The following PSMD14 variants were observed in gnomAD, a reference collection of about 807,000 sequenced individuals.
The protein encoded by PSMD14 is ubiquitin C-terminal hydrolase PSMD14.
In PSMD14, 7 loss-of-function variants were observed where a neutral mutation model predicts 41.2. The ratio of observed to expected loss-of-function variants is 0.17; its 90% confidence interval spans 0.10 to 0.32. PSMD14 has a LOEUF of 0.32. PSMD14 is among the 10% of genes least tolerant of loss of function. The pLI, the probability that PSMD14 is intolerant of heterozygous loss-of-function variation, is 1.00. For synonymous variants in PSMD14, 114 were observed against 122.3 expected, an observed-to-expected ratio of 0.93 and a Z score of 0.45; for missense variants, 139 against 375.6, an observed-to-expected ratio of 0.37 and a Z score of 5.21.
chr2:161,322,555 A>G (rs1033609690), intron 3 of PSMD14, among the ~76,000 whole-genome samples: 2 of 151,980 alleles, frequency 1.3e-5, no homozygotes, highest in Admixed American at 6.6e-5. Flanking sequence ...ACGCCCAGCT[A>G]ATTTTTTTAT....
At chr2:161,332,274 G>A (rs557849839) in intron 3 of PSMD14, among the ~76,000 whole-genome samples, 1 of 152,254 alleles carries the variant, frequency 6.6e-6, no homozygotes, top group East Asian at 1.9e-4. Context: ...GTTACAAATA[G>A]TACAACTTTT....
intron 1 of PSMD14, among the ~76,000 whole-genome samples, chr2:161,311,276 T>A (rs962417671): frequency 1.3e-5 from 2 of 151,916 alleles, no homozygotes; most frequent in Admixed American, 1.3e-4. Context: ...GACACTACAC[T>A]CCAGCCTGGG....
chr2:161,315,208 G>C (rs1689133785), intron 1 of PSMD14, among the ~76,000 whole-genome samples: 1 of 152,208 alleles, frequency 6.6e-6, no homozygotes, highest in East Asian at 1.9e-4. Context: ...CTGTTGTCTA[G>C]TGGAGCTAGG....
intron 7 of PSMD14, chr2:161,383,106 C>T (rs569437926): frequency 3.8e-4 from 57 of 151,640 alleles, no homozygotes; most frequent in African/African-American, 1.2e-3. Context: ...TGCTCATTAG[C>T]GCACTGGACA....
At chr2:161,344,560 CA>C (rs1683014097) in intron 3 of PSMD14, among the ~76,000 whole-genome samples, 1 of 152,162 alleles carries the variant, frequency 6.6e-6, no homozygotes, top group South Asian at 2.1e-4. Flanking sequence ...TATTGTTTTT[CA>C]CAGCGAATGA....
At chr2:161,396,426 A>G (rs1296963323) in intron 10 of PSMD14, among the ~76,000 whole-genome samples, 1 of 152,202 alleles carries the variant, frequency 6.6e-6, no homozygotes, top group African/African-American at 2.4e-5. Context: ...ATAGATATAC[A>G]TACAATGGAA....
rs1218082322 is a variant in PSMD14 at position 161,411,417 on chromosome 2, A to G, written c.*17A>G. On this transcript the variant is annotated 3_prime_UTR_variant, in exon 12 of 12. Coordinates refer to ENST00000409682, the MANE Select transcript of PSMD14 (RefSeq NM_005805.6). ...TTTAAATAAAGCAACGAAAAACGCT[A>G]TTAATGATGCCTTCAGTGTATATTC... The G allele has an allele frequency of 1.9e-5, 29 of 1,529,978 alleles. No homozygotes were observed. Among genetic ancestry groups the G allele is most frequent in the Non-Finnish European group, 2.6e-5 (29 of 1,109,984 alleles). The allele number at this position is 1,529,978 out of a possible 1,614,324, so 94.8% of individuals were successfully genotyped here. A position where few individuals can be genotyped will look rare whatever the true frequency, so the allele number is the denominator to read the frequency against.
At chr2:161,360,704 T>A (rs1217266123) in intron 3 of PSMD14, among the ~76,000 whole-genome samples, 1 of 151,988 alleles carries the variant, frequency 6.6e-6, no homozygotes, top group Non-Finnish European at 1.5e-5. Context: ...ACCTAGCTAA[T>A]TTTTTGTATT....
intron 10 of PSMD14, chr2:161,407,963 A>G (rs1409261808): frequency 2.6e-5 from 4 of 152,070 alleles, no homozygotes; most frequent in African/African-American, 9.7e-5. Context: ...GAAATTCTCA[A>G]TAAAGAGGTT....
chr2:161,375,042 T>C (rs1432432343), intron 7 of PSMD14, among the ~76,000 whole-genome samples: 3 of 152,016 alleles, frequency 2.0e-5, no homozygotes, highest in African/African-American at 7.2e-5. Flanking sequence ...GGTTAGGTTT[T>C]CTTGAAGCAT....
At chr2:161,408,214 G>A (rs968842188) in intron 10 of PSMD14, 2 of 151,902 alleles carry the variant, frequency 1.3e-5, no homozygotes, top group Admixed American at 6.6e-5. Context: ...TTTCTTCATG[G>A]TTACTAAAGA....
At chr2:161,369,406 A>C (rs1156395657) in intron 5 of PSMD14, among the ~76,000 whole-genome samples, 1 of 152,060 alleles carries the variant, frequency 6.6e-6, no homozygotes, top group Non-Finnish European at 1.5e-5. Context: ...AAAGAAAAAA[A>C]CCGAAAACAT....
At position 161,326,184 on chromosome 2, in the gene PSMD14, C is replaced by T. The variant is rs543616866; in HGVS notation, c.48+7311C>T. Among the ~76,000 whole-genome samples, 67 of 152,236 alleles carry T rather than the reference C, an allele frequency of 4.4e-4. 1 individual carries two copies. The South Asian group carries it at 8.9e-3, about 20-fold the overall frequency. On this transcript the variant is annotated intron_variant, in intron 3 of 11. Transcript: ENST00000409682. Reference sequence around the variant, plus strand: ...TCCTGAGTATCACAGGTGCCCACCACCACGCCCGGCTAATTTTTGTAGTTT... The same window carrying T: ...TCCTGAGTATCACAGGTGCCCACCATCACGCCCGGCTAATTTTTGTAGTTT...
intron 3 of PSMD14, among the ~76,000 whole-genome samples, chr2:161,351,606 TG>T (rs1333900371): frequency 6.6e-5 from 10 of 152,240 alleles, no homozygotes; most frequent in African/African-American, 2.4e-4. Flanking sequence ...CTCTTTCCCC[TG>T]GAAGTCTTCT....
chr2:161,310,334 C>T (rs1401124604), intron 1 of PSMD14, among the ~76,000 whole-genome samples: 1 of 152,140 alleles, frequency 6.6e-6, no homozygotes, highest in Non-Finnish European at 1.5e-5. Flanking sequence ...ATCTAGTCCT[C>T]TTATTTCAGT....
At chr2:161,310,674 G>A (rs1222152950) in intron 1 of PSMD14, among the ~76,000 whole-genome samples, 1 of 152,142 alleles carries the variant, frequency 6.6e-6, no homozygotes, top group Non-Finnish European at 1.5e-5. Flanking sequence ...TGCTTTGGAC[G>A]TATTTTTACA....
chr2:161,385,599 A>G (rs1683624036), intron 8 of PSMD14, 28 bp downstream of exon 8: 5 of 1,414,566 alleles, frequency 3.5e-6, no homozygotes, highest in Non-Finnish European at 4.0e-6. Flanking sequence ...TAATGTGTTA[A>G]AACTCTTTTA....
intron 3 of PSMD14, among the ~76,000 whole-genome samples, chr2:161,325,519 TGACTG>T (rs1487605098): frequency 6.6e-6 from 1 of 152,106 alleles, no homozygotes; most frequent in East Asian, 1.9e-4. Context: ...ATGGAAAAAA[TGACTG>T]GAATAAATGA....
intron 3 of PSMD14, among the ~76,000 whole-genome samples, chr2:161,350,364 G>A (rs1683100811): frequency 6.6e-6 from 1 of 152,086 alleles, no homozygotes; most frequent in Non-Finnish European, 1.5e-5. Flanking sequence ...CATGTATCTG[G>A]CAATCCTATT....
Sources: gnomAD v4.1 joint callset for allele counts (sites outside exome capture counted in the v4.1 genomes callset) on GRCh38, gnomAD v4.1.1 for gene constraint, MANE v1.5 for transcripts, NCBI Gene and HGNC (gene_info 2026-07-23, HGNC 2026-07-21) for gene names.